The following WNK2 variants were observed in gnomAD, a reference collection of about 807,000 sequenced individuals.
WNK2 encodes the protein serine/threonine-protein kinase WNK2.
In WNK2, 67 loss-of-function variants were observed where a neutral mutation model predicts 192.1. That is an observed-to-expected ratio of 0.35 (90% CI 0.29 to 0.43). The LOEUF (loss-of-function observed/expected upper bound fraction) is 0.43. Among genes scored for constraint, WNK2 ranks in the 20% least tolerant of loss-of-function variants. The pLI is 1.00. For synonymous variants in WNK2, 1,439 were observed against 1,393.9 expected, an observed-to-expected ratio of 1.03 and a Z score of -0.72; for missense variants, 2,698 against 3,089.7, an observed-to-expected ratio of 0.87 and a Z score of 3.01.
intron 2 of WNK2, among the ~76,000 whole-genome samples, chr9:93,211,127 CACTT>C (rs1215484238): frequency 2.1e-4 from 31 of 150,636 alleles, no homozygotes; most frequent in East Asian, 4.0e-4. Flanking sequence ...CTCATCCCCT[CACTT>C]ACTCATCCAC....
chr9:93,233,146 T>C (rs4329328), intron 4 of WNK2, among the ~76,000 whole-genome samples: 23,242 of 142,810 alleles, frequency 0.16, 1,919 homozygotes, highest in South Asian at 0.29. Flanking sequence ...TGCAGTGAGC[T>C]GTGTTCATGC....
rs12000967 is a variant in WNK2 at position 93,261,900 on chromosome 9, G to A, written c.3153G>A (p.Ser1051=). 3.7e-6 allele frequency: 6 copies of A among 1,604,414 alleles called. No individual in the cohort carries two copies. Among genetic ancestry groups the A allele is most frequent in the South Asian group, 2.2e-5 (2 of 91,056 alleles). Residue 1051 remains serine, a synonymous_variant, in exon 13 of 30, where the codon TCG becomes TCA. Coordinates refer to ENST00000427277, the MANE Select transcript of WNK2 (RefSeq NM_006648.4). ...CTGTGCCACCGGCTGCGGTCCTCTCGCCGCCTCTGCCGGAAGTGCTGCTGC... is the reference window on the plus strand; with the variant it reads ...CTGTGCCACCGGCTGCGGTCCTCTCACCGCCTCTGCCGGAAGTGCTGCTGC... ...TVPVPPAAVL[S]PPLPEVLLPA...
intron 6 of WNK2, 146 bp downstream of exon 6, chr9:93,238,467 T>G: frequency 1.3e-6 from 1 of 758,342 alleles, no homozygotes; most frequent in Non-Finnish European, 2.2e-6. Flanking sequence ...CAGGGGCTGG[T>G]GAGCATGTCG....
chr9:93,250,280 G>A (rs752958601), intron 8 of WNK2, among the ~76,000 whole-genome samples: 4 of 151,912 alleles, frequency 2.6e-5, no homozygotes, highest in South Asian at 4.2e-4. Flanking sequence ...ACACAGGCAC[G>A]CCCAGCCTGC....
At chr9:93,300,266 G>A (rs1040528353) in intron 26 of WNK2, 117 bp downstream of exon 26, 40 of 796,434 alleles carry the variant, frequency 5.0e-5, no homozygotes, top group African/African-American at 8.5e-5. Context: ...CCACCCCATC[G>A]AAGTCACCTA....
rs1233801904 is a variant in WNK2, at chr9:93,247,606, G to A, written c.1606G>A (p.Val536Met). The change falls in exon 8 of 30, where the codon GTG becomes ATG. Residue 536 changes from valine to methionine, a missense_variant. Coordinates refer to ENST00000427277, the MANE Select transcript of WNK2 (RefSeq NM_006648.4). The surrounding 1 kb of genome is among the most constrained non-coding windows in gnomAD (Gnocchi z 5.2). ...KIVAKSIRDR[V>M]ALIQWRRERI... The stretch of plus-strand genomic sequence containing the variant: ...CGTGGCCAAGTCCATCCGTGACCGC[G>A]TGGCCTTGATCCAGTGGCGGCGGGA... 6 of 1,605,216 alleles carry A rather than the reference G, an allele frequency of 3.7e-6. No homozygotes were observed. The highest frequency in any genetic ancestry group is 4.3e-6 in the Non-Finnish European group (5 of 1,176,388).
At chr9:93,256,485 C>T (rs1296364219) in intron 10 of WNK2, 31 bp downstream of exon 10, 2 of 1,493,410 alleles carry the variant, frequency 1.3e-6, no homozygotes, top group Non-Finnish European at 8.9e-7. Flanking sequence ...GGCCACTGTC[C>T]CTCCAGGCAG....
At chr9:93,312,790 A>G (rs1458887106) in intron 28 of WNK2, among the ~76,000 whole-genome samples, 1 of 152,182 alleles carries the variant, frequency 6.6e-6, no homozygotes, top group Non-Finnish European at 1.5e-5. Flanking sequence ...TCACTGCAGC[A>G]TAAGAGTTAG....
chr9:93,292,451 T>C lies in WNK2; in HGVS notation c.5026-40T>C, dbSNP rs762394275. On this transcript the variant is annotated intron_variant, in intron 22 of 29. Coordinates refer to ENST00000427277, the MANE Select transcript of WNK2 (RefSeq NM_006648.4). ...GTTGGCAGGGTTTGCTCTGTGCTGA[T>C]GTTCACATGAAACCTCTTCATCTCC... 6 of 1,613,280 alleles carry C rather than the reference T, an allele frequency of 3.7e-6. No homozygotes were observed. The East Asian group carries it at 1.3e-4, about 36-fold the overall frequency.
chr9:93,255,509 G>C (rs1032341569), intron 9 of WNK2, among the ~76,000 whole-genome samples: 1 of 152,138 alleles, frequency 6.6e-6, no homozygotes, highest in African/African-American at 2.4e-5. Context: ...ACACCATGCT[G>C]CCTTTCATAA....
At chr9:93,267,651 GC>G in intron 16 of WNK2, 94 bp from the exon 17 acceptor site, 1 of 1,382,230 alleles carries the variant, frequency 7.2e-7, no homozygotes, top group Non-Finnish European at 9.7e-7. Flanking sequence ...TTCCCTTGGG[GC>G]CTGGTACAGG....
At chr9:93,191,110 G>C (rs1830259726) in intron 2 of WNK2, among the ~76,000 whole-genome samples, 1 of 152,116 alleles carries the variant, frequency 6.6e-6, no homozygotes. Flanking sequence ...GCTCTGGGAA[G>C]CAAGTGGCCA....
Position 93,289,550 on chromosome 9 carries a change from G to A in WNK2, c.4796G>A (p.Gly1599Glu), listed in dbSNP as rs751353082. The A allele has an allele frequency of 3.8e-6, 6 of 1,565,188 alleles. No homozygotes were observed. The African/African-American group carries it at 8.1e-5, about 21-fold the overall frequency. ...RGDQPRSEVCGGDLALPPVPK... is the reference protein window; with the variant it reads ...RGDQPRSEVCEGDLALPPVPK... ...GACCAGCCCCGCTCAGAGGTCTGCG[G>A]GGGGGACCTGGCCCTGCCCCCAGTG... The change falls in exon 20 of 30, where the codon GGG (glycine) becomes GAG (glutamate). Residue 1599 changes from glycine (G) to glutamate (E), a missense_variant. By Grantham distance (98) the Gly-to-Glu change is moderately conservative. Transcript: ENST00000427277.
chr9:93,272,262 T>TA (rs940900120), intron 19 of WNK2, among the ~76,000 whole-genome samples: 8 of 151,912 alleles, frequency 5.3e-5, no homozygotes, highest in African/African-American at 9.7e-5. Flanking sequence ...ACAATTGAAG[T>TA]AAAAAAAAGA....
chr9:93,306,960 C>A, intron 27 of WNK2, 139 bp downstream of exon 27: 1 of 1,028,952 alleles, frequency 9.7e-7, no homozygotes, highest in Non-Finnish European at 1.5e-6. Flanking sequence ...TGCCTCTCGG[C>A]CGGGCACTGC....
At chr9:93,203,545 T>TG (rs1445529727) in intron 2 of WNK2, among the ~76,000 whole-genome samples, 6 of 151,988 alleles carry the variant, frequency 3.9e-5, no homozygotes, top group Non-Finnish European at 5.9e-5. Context: ...GGCTGGTCGT[T>TG]GAAGGCCTAG....
intron 2 of WNK2, among the ~76,000 whole-genome samples, chr9:93,214,295 T>A (rs1029107258): frequency 1.2e-4 from 18 of 151,498 alleles, no homozygotes; most frequent in East Asian, 1.9e-4. Flanking sequence ...TTTTTTATTT[T>A]TATATATTTA....
intron 12 of WNK2, among the ~76,000 whole-genome samples, chr9:93,261,137 C>G (rs932562928): frequency 9.9e-5 from 15 of 152,146 alleles, no homozygotes; most frequent in African/African-American, 3.4e-4. Context: ...TATTTCTGAC[C>G]CTGCCACTGG....
chr9:93,298,960 T>C, intron 24 of WNK2, 110 bp from the exon 25 acceptor site: 1 of 1,183,596 alleles, frequency 8.4e-7, no homozygotes. Flanking sequence ...GCAGGAGACG[T>C]GAGCTTCCCC....
Sources: gnomAD v4.1 joint callset for allele counts (sites outside exome capture counted in the v4.1 genomes callset) on GRCh38, gnomAD v4.1.1 for gene constraint, Gnocchi (gnomAD v3.1) non-coding constraint, MANE v1.5 for transcripts, NCBI Gene and HGNC (gene_info 2026-07-23, HGNC 2026-07-21) for gene names.